KCNT2: variants seen among roughly 807,000 people sequenced by gnomAD.
KCNT2 encodes potassium channel subfamily T member 2.
KCNT2 carries 67 observed loss-of-function variants against 153.8 expected under a neutral mutation model. That is an observed-to-expected ratio of 0.44 (90% confidence interval 0.36 to 0.53). KCNT2 has a LOEUF of 0.53. KCNT2 is among the 20% of genes least tolerant of loss of function. The probability of loss-of-function intolerance (pLI) is 0.00; values close to 1 mark genes in which losing one functional copy is unlikely to be tolerated. For synonymous variants in KCNT2, 500 were observed against 458.8 expected (o/e 1.09, Z -1.15); for missense variants, 975 against 1,354.8 (o/e 0.72, Z 4.40).
intron 8 of KCNT2, among the ~76,000 whole-genome samples, chr1:196,446,061 T>C (rs897593666): frequency 6.6e-6 from 1 of 151,490 alleles, no homozygotes; most frequent in South Asian, 2.1e-4. Context: ...ATTGCTCTTA[T>C]GACTTTAATT....
In KCNT2 at chr1:196,526,788, G is replaced by A. The variant is rs1027753314; in HGVS notation, c.96-34447C>T. On this transcript the variant is annotated intron_variant, in intron 1 of 27. Coordinates refer to ENST00000294725, the MANE Select transcript of KCNT2 (RefSeq NM_198503.5). ...TTTTTGGATAAGCCAATGTGTTCTT[G>A]TCTGTTCCTTAAATGTTAACAACAC... is the stretch of plus-strand genomic sequence containing the variant. Among the ~76,000 whole-genome samples the A allele has an allele frequency of 5.3e-5, 8 of 152,128 alleles. No homozygotes were observed. The South Asian group carries it at 1.7e-3, about 32-fold the overall frequency.
At position 196,340,231 on chromosome 1, in the gene KCNT2, T is replaced by C. The variant is rs1003103229; in HGVS notation, c.1783+110A>G. ...CATACCTAGTTTGTAAAATGCAGCATGTTTGAAATTTTCTTTAAACTTTTA... is the reference window on the plus strand; with the variant it reads ...CATACCTAGTTTGTAAAATGCAGCACGTTTGAAATTTTCTTTAAACTTTTA... On this transcript the variant is annotated intron_variant, in intron 16 of 27. Coordinates refer to ENST00000294725, the MANE Select transcript of KCNT2 (RefSeq NM_198503.5). The C allele has an allele frequency of 3.8e-5, 26 of 676,710 alleles. No homozygotes were observed. The South Asian group carries it at 5.0e-4, about 13-fold the overall frequency. 41.9% of individuals were successfully genotyped at this position (676,710 alleles called of 1,614,324 possible).
chr1:196,249,786 A>G (rs1655789124), intron 26 of KCNT2, among the ~76,000 whole-genome samples: 1 of 152,072 alleles, frequency 6.6e-6, no homozygotes, highest in Admixed American at 6.6e-5. Flanking sequence ...AAAAAAAAAA[A>G]AAGTTAGTAT....
At chr1:196,334,804 A>G (rs144156036) in intron 16 of KCNT2, among the ~76,000 whole-genome samples, 191 of 152,212 alleles carry the variant, frequency 1.3e-3, no homozygotes, top group African/African-American at 4.0e-3. Context: ...ATAATTGTAG[A>G]CAATAATCAG....
intron 14 of KCNT2, among the ~76,000 whole-genome samples, chr1:196,357,952 T>A (rs1255272596): frequency 6.6e-6 from 1 of 151,940 alleles, no homozygotes; most frequent in Admixed American, 6.6e-5. Context: ...TCATCATTAG[T>A]GTTTTTATAA....
intron 22 of KCNT2, among the ~76,000 whole-genome samples, chr1:196,303,912 G>A (rs928510184): frequency 6.6e-6 from 1 of 152,150 alleles, no homozygotes; most frequent in Non-Finnish European, 1.5e-5. Context: ...TTGCTTTCAA[G>A]TCTGAGTCAA....
chr1:196,226,069 C>G lies in KCNT2; in HGVS notation c.*2155G>C, dbSNP rs1238300105. Reference sequence around the variant, plus strand: ...CAAATATTAAATTTGGACTAATGTTCATAGTCAAAAATAATTATTTTAAAA... The same window carrying G: ...CAAATATTAAATTTGGACTAATGTTGATAGTCAAAAATAATTATTTTAAAA... On this transcript the variant is annotated 3_prime_UTR_variant, in exon 28 of 28. Coordinates refer to ENST00000294725, the MANE Select transcript of KCNT2 (RefSeq NM_198503.5). 6.6e-6 allele frequency: 1 copy of G among 151,814 alleles called. No homozygotes were observed. Among genetic ancestry groups the G allele is most frequent in the Non-Finnish European group, 1.5e-5 (1 of 67,872 alleles). 9.4% of individuals were successfully genotyped at this position (151,814 alleles called of 1,614,324 possible).
In KCNT2 at chr1:196,305,164, A is replaced by G. The variant is rs571778385; in HGVS notation, c.2595+70T>C. 332 of 877,492 alleles carry G rather than the reference A, an allele frequency of 3.8e-4. 1 individual carries two copies. The highest frequency in any genetic ancestry group is 5.7e-4 in the Non-Finnish European group (309 of 537,982). 54.4% of individuals were successfully genotyped at this position (877,492 alleles called of 1,614,324 possible). ...TTTACTATCTCATGGCATTTTTTTT[A>G]TATATTTACAGAGTTAATTTCTGAA... On this transcript the variant is annotated intron_variant, in intron 22 of 27. Transcript: ENST00000294725.
intron 15 of KCNT2, among the ~76,000 whole-genome samples, chr1:196,341,464 A>G (rs570420488): frequency 6.6e-6 from 1 of 152,074 alleles, no homozygotes; most frequent in Non-Finnish European, 1.5e-5. Flanking sequence ...TGTACATTAC[A>G]TAATAGATTA....
intron 12 of KCNT2, among the ~76,000 whole-genome samples, chr1:196,405,873 T>G (rs1451431535): frequency 6.6e-6 from 1 of 151,556 alleles, no homozygotes; most frequent in Non-Finnish European, 1.5e-5. Flanking sequence ...TGCCCAAAAT[T>G]TATAAGCGAT....
intron 13 of KCNT2, among the ~76,000 whole-genome samples, chr1:196,393,358 T>C (rs1044404520): frequency 6.6e-6 from 1 of 151,508 alleles, no homozygotes; most frequent in South Asian, 2.1e-4. Flanking sequence ...ATTGGGAAGA[T>C]AGAGATATTG....
intron 13 of KCNT2, among the ~76,000 whole-genome samples, chr1:196,380,701 A>T (rs1416180734): frequency 6.6e-6 from 1 of 152,242 alleles, no homozygotes; most frequent in Non-Finnish European, 1.5e-5. Context: ...AGTTTATTAA[A>T]TAGAACAACT....
At chr1:196,238,379 T>C (rs1472653361) in intron 26 of KCNT2, among the ~76,000 whole-genome samples, 1 of 151,918 alleles carries the variant, frequency 6.6e-6, no homozygotes, top group Non-Finnish European at 1.5e-5. Flanking sequence ...ATATTTATTT[T>C]CCCACAAACC....
chr1:196,331,231 T>A lies in KCNT2; in HGVS notation c.2028A>T (p.Pro676=), dbSNP rs142619294. 11 of 1,604,000 alleles carry A rather than the reference T, an allele frequency of 6.9e-6. No homozygotes were observed. The highest frequency in any genetic ancestry group is 1.7e-4 in the Middle Eastern group (1 of 6,052). Residue 676 remains proline, a synonymous_variant, in exon 18 of 28, where the codon CCA becomes CCT. Coordinates refer to ENST00000294725, the MANE Select transcript of KCNT2 (RefSeq NM_198503.5). The part of the protein sequence containing the change: ...EYAKGYPPYS[P]YIGSSPTFCH... ...AAAAAGTGGGTGAACTTCCTATATA[T>A]GGAGAATAAGGTGGGTAACCTTTAG...
intron 24 of KCNT2, among the ~76,000 whole-genome samples, chr1:196,281,544 A>C (rs968036608): frequency 6.6e-6 from 1 of 152,158 alleles, no homozygotes; most frequent in African/African-American, 2.4e-5. Context: ...ATAGTAGAAT[A>C]AGCATCGTGA....
At chr1:196,466,193 T>G (rs1481501441) in intron 7 of KCNT2, among the ~76,000 whole-genome samples, 1 of 152,134 alleles carries the variant, frequency 6.6e-6, no homozygotes, top group Non-Finnish European at 1.5e-5. Flanking sequence ...TTGAGTTATT[T>G]TTTTCCAACA....
intron 1 of KCNT2, among the ~76,000 whole-genome samples, chr1:196,596,052 ATG>A (rs539625001): frequency 0.1 from 986 of 9,538 alleles, 103 homozygotes; most frequent in African/African-American, 0.11. Flanking sequence ...GTATTCCATG[ATG>A]TGTATATATA....
At chr1:196,265,071 A>G (rs565640191) in intron 25 of KCNT2, among the ~76,000 whole-genome samples, 2 of 152,248 alleles carry the variant, frequency 1.3e-5, no homozygotes, top group East Asian at 1.9e-4. Context: ...AGCCCTTTCA[A>G]TACCCTCTTA....
chr1:196,481,732 A>G (rs1053884807), intron 4 of KCNT2, among the ~76,000 whole-genome samples: 2 of 152,186 alleles, frequency 1.3e-5, no homozygotes, highest in Non-Finnish European at 2.9e-5. Flanking sequence ...CAAAGAAGTA[A>G]CGGAGACTCT....
Sources: allele counts gnomAD v4.1 joint callset (sites outside exome capture counted in the v4.1 genomes callset), GRCh38; gene constraint gnomAD v4.1.1; transcripts MANE v1.5; gene names NCBI Gene and HGNC (gene_info 2026-07-23, HGNC 2026-07-21).